The following ENAH variants were observed in gnomAD, a reference collection of about 807,000 sequenced individuals.
The protein encoded by ENAH is protein enabled homolog.
A neutral mutation model predicts 78.7 loss-of-function variants in ENAH; 23 were observed. That is an observed-to-expected ratio of 0.29 (90% CI 0.21 to 0.41). ENAH has a LOEUF of 0.41. ENAH is among the 10% of genes least tolerant of loss of function. ENAH has a pLI of 1.00. For synonymous variants in ENAH, 226 were observed against 241.0 expected (o/e 0.94, Z 0.58); for missense variants, 544 against 691.0 (o/e 0.79, Z 2.39).
At chr1:225,511,011 A>AC (rs1290825115) in intron 10 of ENAH, among the ~76,000 whole-genome samples, 1 of 152,074 alleles carries the variant, frequency 6.6e-6, no homozygotes, top group Non-Finnish European at 1.5e-5. Context: ...ACAGAGCAAG[A>AC]CCCCATCTCA....
chr1:225,652,801 G>T lies in ENAH; in HGVS notation c.-111C>A. ...GGAGCAGCTCGGAGACGGGAGACAA[G>T]TGTCCGGCTCCTCCTTCGGCGGCCA... On this transcript the variant is annotated 5_prime_UTR_variant, in exon 1 of 14. Coordinates refer to ENST00000366843, the MANE Select transcript of ENAH (RefSeq NM_018212.6). 1.1e-6 allele frequency: 1 copy of T among 935,396 alleles called. No homozygotes were observed. The highest frequency in any genetic ancestry group is 1.4e-6 in the Non-Finnish European group (1 of 705,836). The allele number at this position is 935,396 out of a possible 1,614,324, so 57.9% of individuals were successfully genotyped here.
At chr1:225,526,646 C>T (rs573860048) in intron 4 of ENAH, among the ~76,000 whole-genome samples, 54 of 151,544 alleles carry the variant, frequency 3.6e-4, no homozygotes, top group Non-Finnish European at 2.8e-4. Context: ...TATTTCTCGG[C>T]GGGGAAAAAA....
At chr1:225,590,832 C>T (rs1328117462) in intron 1 of ENAH, among the ~76,000 whole-genome samples, 1 of 152,180 alleles carries the variant, frequency 6.6e-6, no homozygotes, top group Non-Finnish European at 1.5e-5. Flanking sequence ...CTTTCTACCG[C>T]CAGCCTCTCC....
chr1:225,497,738 TC>T lies in ENAH; in HGVS notation c.*36del. The T allele has an allele frequency of 6.2e-7, 1 of 1,600,706 alleles. No individual in the cohort carries two copies. The highest frequency in any genetic ancestry group is 1.1e-5 in the South Asian group (1 of 89,854). ...GTTGTTGTTTGTAGGATATTTTTCC[TC>T]CAGATTAAAGTCCTATCTCTCCTTA... On this transcript the variant is annotated 3_prime_UTR_variant, in exon 14 of 14. Transcript: ENST00000366843.
At chr1:225,614,709 A>G (rs1360471952) in intron 1 of ENAH, among the ~76,000 whole-genome samples, 1 of 152,146 alleles carries the variant, frequency 6.6e-6, no homozygotes, top group African/African-American at 2.4e-5. Flanking sequence ...GCCACCAGTC[A>G]TCTCATTAGC....
At chr1:225,584,488 A>G (rs1402686281) in intron 1 of ENAH, among the ~76,000 whole-genome samples, 1 of 152,234 alleles carries the variant, frequency 6.6e-6, no homozygotes, top group Admixed American at 6.5e-5. Flanking sequence ...CAGAAAAGGA[A>G]TAACAAAGGA....
intron 1 of ENAH, among the ~76,000 whole-genome samples, chr1:225,636,464 T>C (rs111979514): frequency 6.6e-6 from 1 of 152,242 alleles, no homozygotes; most frequent in African/African-American, 2.4e-5. Flanking sequence ...CACCTTCACT[T>C]TGTCACTTAC....
intron 1 of ENAH, among the ~76,000 whole-genome samples, chr1:225,650,751 G>A (rs138132329): frequency 0.055 from 8,218 of 150,122 alleles, 355 homozygotes; most frequent in East Asian, 0.13. Flanking sequence ...TTGGGAGGCT[G>A]AGGCAGGAGA....
intron 3 of ENAH, among the ~76,000 whole-genome samples, chr1:225,538,036 T>C (rs1266981978): frequency 1.3e-5 from 2 of 152,166 alleles, no homozygotes; most frequent in Non-Finnish European, 2.9e-5. Context: ...CATCTCAGCA[T>C]TGTTTCTTAC....
At chr1:225,591,303 T>C (rs962492112) in intron 1 of ENAH, among the ~76,000 whole-genome samples, 1 of 151,944 alleles carries the variant, frequency 6.6e-6, no homozygotes, top group Non-Finnish European at 1.5e-5. Flanking sequence ...ACCCTGTCTT[T>C]ACTAAAAATA....
chr1:225,517,826 G>T (rs1176067373), intron 5 of ENAH: 5 of 1,551,432 alleles, frequency 3.2e-6, no homozygotes, highest in East Asian at 4.9e-5. Flanking sequence ...GGTGTAGGGG[G>T]TGTGGAAGTA....
At chr1:225,587,444 A>G (rs2096852862) in intron 1 of ENAH, among the ~76,000 whole-genome samples, 1 of 152,198 alleles carries the variant, frequency 6.6e-6, no homozygotes, top group Non-Finnish European at 1.5e-5. Context: ...AAAAAAGAAA[A>G]TCTTCATAAT....
intron 1 of ENAH, among the ~76,000 whole-genome samples, chr1:225,586,241 C>CAAAAAAAAAAAAA (rs34817622): frequency 2.0e-5 from 2 of 100,636 alleles, no homozygotes; most frequent in Non-Finnish European, 1.9e-5. Flanking sequence ...GAGACAAGCT[C>CAAAAAAAAAAAAA]AAAAAAAAAA....
In ENAH at chr1:225,506,166, A is replaced by G. The variant is rs2096327253; in HGVS notation, c.1538+1785T>C. ...TCAACGTAGGCTTAGCTTTTAGTTC[A>G]CTGTGAAATGCAGATCAATGAAGCA... On this transcript the variant is annotated intron_variant, in intron 11 of 13. Coordinates refer to ENST00000366843, the MANE Select transcript of ENAH (RefSeq NM_018212.6). 2.0e-5 allele frequency among the ~76,000 whole-genome samples: 3 copies of G among 152,172 alleles called. No homozygotes were observed. In the South Asian group the frequency reaches 6.2e-4, roughly 32 times the overall value.
At chr1:225,611,904 AAAC>A (rs1335517087) in intron 1 of ENAH, among the ~76,000 whole-genome samples, 6 of 152,224 alleles carry the variant, frequency 3.9e-5, no homozygotes, top group African/African-American at 1.4e-4. Context: ...CTATCATAAA[AAAC>A]AAAACACAAA....
At chr1:225,514,539 T>G (rs1342298332) in intron 7 of ENAH, 57 bp downstream of exon 7, 1 of 1,200,072 alleles carries the variant, frequency 8.3e-7, no homozygotes, top group African/African-American at 1.5e-5. Flanking sequence ...AATTCAACAT[T>G]TTAGATATTT....
At chr1:225,625,935 T>C (rs1369401331) in intron 1 of ENAH, among the ~76,000 whole-genome samples, 1 of 152,212 alleles carries the variant, frequency 6.6e-6, no homozygotes, top group Non-Finnish European at 1.5e-5. Context: ...TTCTACCCAT[T>C]GGTGCCCACC....
chr1:225,625,934 T>C (rs1657867953), intron 1 of ENAH, among the ~76,000 whole-genome samples: 2 of 152,202 alleles, frequency 1.3e-5, no homozygotes, highest in Non-Finnish European at 2.9e-5. Context: ...CTTCTACCCA[T>C]TGGTGCCCAC....
At chr1:225,587,913 G>C (rs2096855373) in intron 1 of ENAH, among the ~76,000 whole-genome samples, 1 of 151,940 alleles carries the variant, frequency 6.6e-6, no homozygotes, top group African/African-American at 2.4e-5. Flanking sequence ...AGTGGTGCTG[G>C]AACAACTGGA....
Sources: gnomAD v4.1 joint callset for allele counts (sites outside exome capture counted in the v4.1 genomes callset) on GRCh38, gnomAD v4.1.1 for gene constraint, MANE v1.5 for transcripts, NCBI Gene and HGNC (gene_info 2026-07-23, HGNC 2026-07-21) for gene names.